The following GPT variants were observed in gnomAD, a reference collection of about 807,000 sequenced individuals.
GPT encodes alanine aminotransferase 1.
In GPT, 60 loss-of-function variants were observed where a neutral mutation model predicts 51.4. The observed-to-expected ratio is 1.17, with a 90% CI of 0.95 to 1.45. The LOEUF (loss-of-function observed/expected upper bound fraction) is 1.45, where lower values mean the gene tolerates loss of function less well. Ranked by LOEUF, GPT falls within the 40% of genes most tolerant of loss-of-function variation. The probability of loss-of-function intolerance (pLI) is 0.00; values close to 1 mark genes in which losing one functional copy is unlikely to be tolerated. For missense variants in GPT, 853 were observed against 704.0 expected (o/e 1.21, Z -2.40); for synonymous variants, 397 against 303.1 (o/e 1.31, Z -3.22).
At chr8:144,503,491 C>T (rs890992178), upstream of GPT, among the ~76,000 whole-genome samples, 11 of 152,136 alleles carry the variant, frequency 7.2e-5, no homozygotes, top group Admixed American at 3.3e-4. Flanking sequence ...ACAGCAGCCA[C>T]GGTGTGAGCT....
Position 144,505,017 on chromosome 8 carries a change from C to CGGCATCCA in GPT, c.383_390dup (p.Leu131AlafsTer4). 13 of 1,613,092 alleles carry CGGCATCCA rather than the reference C, an allele frequency of 8.1e-6. No homozygotes were observed. The highest frequency in any genetic ancestry group is 1.0e-5 in the Non-Finnish European group (12 of 1,179,984). On this transcript the variant is annotated frameshift_variant, in exon 4 of 11. Transcript: ENST00000394955. LOFTEE classifies it high-confidence loss of function. The stretch of plus-strand genomic sequence containing the variant: ...GTCCAGGGGCCTACAGCGTCAGCTC[C>CGGCATCCA]GGCATCCAGCTGATCCGGGAGGACG...
At position 144,506,604 on chromosome 8, in the gene GPT, T is replaced by C. The variant is rs376611071; in HGVS notation, c.1235T>C (p.Met412Thr). 5.7e-6 allele frequency: 9 copies of C among 1,565,942 alleles called. No homozygotes were observed. The highest frequency in any genetic ancestry group is 2.7e-5 in the African/African-American group (2 of 74,148). Residue 412 changes from methionine (M) to threonine (T), a missense_variant, in exon 9 of 11, where the codon ATG (methionine) becomes ACG (threonine). By Grantham distance (81) the Met-to-Thr change is moderately conservative (BLOSUM62 -1). Coordinates refer to ENST00000394955, the MANE Select transcript of GPT (RefSeq NM_005309.3). The surrounding 1 kb of genome is among the most constrained non-coding windows in gnomAD (Gnocchi z 7.0). ...AGCTGCAACCCAGTGCAGGGCGCCATGTACTCCTTCCCGCGCGTGCAGCTG... is the reference window on the plus strand; with the variant it reads ...AGCTGCAACCCAGTGCAGGGCGCCACGTACTCCTTCCCGCGCGTGCAGCTG... ...GISCNPVQGA[M>T]YSFPRVQLPP...
chr8:144,503,376 C>T (rs561998224), upstream of GPT, among the ~76,000 whole-genome samples: 1 of 152,312 alleles, frequency 6.6e-6, no homozygotes, highest in Admixed American at 6.5e-5. Flanking sequence ...TCGTTTCCTA[C>T]TCTCTCCTCC....
chr8:144,506,112 TC>T lies in GPT; in HGVS notation c.939del (p.Lys314ArgfsTer17). 6.2e-7 allele frequency: 1 copy of T among 1,612,172 alleles called. No homozygotes were observed. On this transcript the variant is annotated frameshift_variant, in exon 7 of 11. Coordinates refer to ENST00000394955, the MANE Select transcript of GPT (RefSeq NM_005309.3). LOFTEE classifies it high-confidence loss of function. The surrounding 1 kb of genome is among the most constrained non-coding windows in gnomAD (Gnocchi z 7.0). ...GGAGCTTGCCTCCTTCCACTCCACC[TC>T]CAAGGGCTACATGGGCGAGTGCGTG... is the stretch of plus-strand genomic sequence containing the variant. ...QQELASFHST[S>X]KGYMGECGFR...
Position 144,504,382 on chromosome 8 carries a change from G to A in GPT, c.78G>A (p.Met26Ile). The A allele has an allele frequency of 6.2e-7, 1 of 1,611,756 alleles. No individual in the cohort carries two copies. Among genetic ancestry groups the A allele is most frequent in the Non-Finnish European group, 8.5e-7 (1 of 1,179,942 alleles). The change falls in exon 1 of 11, where the codon ATG (methionine) becomes ATA (isoleucine). Residue 26 changes from methionine to isoleucine, a missense_variant. By Grantham distance (10) the Met-to-Ile change is conservative. Transcript: ENST00000394955. ...LRAKVLTLDGMNPRVRRVEYA... is the reference protein window; with the variant it reads ...LRAKVLTLDGINPRVRRVEYA... ...CGAAGGTGCTGACGCTGGACGGCAT[G>A]AACCCGCGTGTGCGGAGAGTGGAGT...
Position 144,504,617 on chromosome 8 carries a change from C to T in GPT, c.176C>T (p.Pro59Leu), listed in dbSNP as rs147672961. Residue 59 changes from proline to leucine, a missense_variant, in exon 2 of 11, where the codon CCT becomes CTT. Coordinates refer to ENST00000394955, the MANE Select transcript of GPT (RefSeq NM_005309.3). ...EQELRQGVKK[P>L]FTEVIRANIG... is the part of the protein sequence containing the mutation. Reference sequence around the variant, plus strand: ...CTCCCCTCCCAGGGTGTGAAGAAGCCTTTCACCGAGGTCATCCGTGCCAAC... The same window carrying T: ...CTCCCCTCCCAGGGTGTGAAGAAGCTTTTCACCGAGGTCATCCGTGCCAAC... 2.5e-4 allele frequency: 404 copies of T among 1,613,010 alleles called. No homozygotes were observed. The highest frequency in any genetic ancestry group is 3.2e-4 in the Non-Finnish European group (375 of 1,179,992).
rs3891235 is a variant in GPT, at chr8:144,504,992, G to A, written c.362-6G>A. On this transcript the variant is annotated splice_region_variant and splice_polypyrimidine_tract_variant and intron_variant, in intron 3 of 10. Transcript: ENST00000394955. ...GTACTTCCCATCCTGTCCTGCCCGA[G>A]TCCAGGGGCCTACAGCGTCAGCTCC... The A allele has an allele frequency of 1.2e-6, 2 of 1,613,062 alleles. No individual in the cohort carries two copies. The highest frequency in any genetic ancestry group is 3.3e-5 in the Admixed American group (2 of 60,028).
chr8:144,504,486 G>A lies in GPT; in HGVS notation c.162+20G>A, dbSNP rs1243679722. ...CGCCAGGTATGGCCCAGGGCCCCTC[G>A]CTGCCCTCCAGGTCACAATGGGGTG... On this transcript the variant is annotated intron_variant, in intron 1 of 10. Transcript: ENST00000394955. 14 of 1,607,018 alleles carry A rather than the reference G, an allele frequency of 8.7e-6. No individual in the cohort carries two copies. The highest frequency in any genetic ancestry group is 1.7e-5 in the Admixed American group (1 of 59,284).
Position 144,504,173 on chromosome 8 carries a change from T to C in GPT, c.-132T>C, listed in dbSNP as rs1826668435. The C allele has an allele frequency of 2.1e-6, 2 of 938,382 alleles. No individual in the cohort carries two copies. Among genetic ancestry groups the C allele is most frequent in the Admixed American group, 2.0e-5 (1 of 49,782 alleles). The allele number at this position is 938,382 out of a possible 1,614,324, so 58.1% of individuals were successfully genotyped here. On this transcript the variant is annotated 5_prime_UTR_variant, in exon 1 of 11. Transcript: ENST00000394955. ...CAGCTGCGGTGAAGAGGGTGCTCTC[T>C]TGCCTGGAGTTCCCTCTGCTACGGC...
In GPT at chr8:144,506,859, C is replaced by A. The variant is rs747098200; in HGVS notation, c.1400+16C>A. The A allele has an allele frequency of 1.9e-6, 3 of 1,612,148 alleles. No individual in the cohort carries two copies. The South Asian group carries it at 3.3e-5, about 18-fold the overall frequency. On this transcript the variant is annotated intron_variant, in intron 10 of 10. Coordinates refer to ENST00000394955, the MANE Select transcript of GPT (RefSeq NM_005309.3). This position sits in a 1 kb window ranked among gnomAD's most constrained non-coding sequence, Gnocchi z 7.0. ...ACCACTTCCGGTGAGGCCTGGCCCT[C>A]ACTCCCTGTCCCGCCACCCTGGCCC...
rs761860329 is a variant in GPT, at chr8:144,504,441, T to G, written c.137T>G (p.Leu46Trp). 6.2e-7 allele frequency: 1 copy of G among 1,610,534 alleles called. No homozygotes were observed. Among genetic ancestry groups the G allele is most frequent in the African/African-American group, 1.3e-5 (1 of 75,044 alleles). Residue 46 changes from leucine to tryptophan, a missense_variant, in exon 1 of 11, where the codon TTG (leucine) becomes TGG (tryptophan). By Grantham distance (61) the Leu-to-Trp change is moderately conservative. Transcript: ENST00000394955. ...AVRGPIVQRA[L>W]ELEQELRQGV... The stretch of plus-strand genomic sequence containing the variant: ...CGTGGCCCCATAGTGCAGCGAGCCT[T>G]GGAGCTGGAGCAGGAGCTGCGCCAG...
Position 144,505,862 on chromosome 8 carries a change from C to G in GPT, c.754C>G (p.Arg252Gly), listed in dbSNP as rs1015050761. 9 of 1,552,970 alleles carry G rather than the reference C, an allele frequency of 5.8e-6. No individual in the cohort carries two copies. Among genetic ancestry groups the G allele is most frequent in the Admixed American group, 1.9e-5 (1 of 51,524 alleles). ...CGGCACCCCAGGGCAGGTGCAGACCCGCGAGTGCATCGAGGCCGTGATCCG... is the reference window on the plus strand; with the variant it reads ...CGGCACCCCAGGGCAGGTGCAGACCGGCGAGTGCATCGAGGCCGTGATCCG... ...PGNPTGQVQTRECIEAVIRFA... is the reference protein window; with the variant it reads ...PGNPTGQVQTGECIEAVIRFA... The change falls in exon 6 of 11, where the codon CGC becomes GGC. Residue 252 changes from arginine (R) to glycine (G), a missense_variant. By Grantham distance (125) the Arg-to-Gly change is moderately radical (BLOSUM62 -2). Transcript: ENST00000394955.
Position 144,504,152 on chromosome 8 carries a change from T to G in GPT, c.-153T>G. The G allele has an allele frequency of 1.3e-6, 1 of 784,146 alleles. No homozygotes were observed. The highest frequency in any genetic ancestry group is 1.6e-5 in the South Asian group (1 of 64,068). The allele number at this position is 784,146 out of a possible 1,614,324, so 48.6% of individuals were successfully genotyped here. A position where few individuals can be genotyped will look rare whatever the true frequency, so the allele number is the denominator to read the frequency against. ...TTCTGTCCCTCCCAGTGAGGCCAGC[T>G]GCGGTGAAGAGGGTGCTCTCTTGCC... is the stretch of plus-strand genomic sequence containing the variant. On this transcript the variant is annotated 5_prime_UTR_variant, in exon 1 of 11. Coordinates refer to ENST00000394955, the MANE Select transcript of GPT (RefSeq NM_005309.3).
Position 144,506,783 on chromosome 8 carries a change from C to A in GPT, c.1340C>A (p.Thr447Asn). The A allele has an allele frequency of 1.2e-6, 2 of 1,612,568 alleles. No individual in the cohort carries two copies. The highest frequency in any genetic ancestry group is 1.7e-6 in the Non-Finnish European group (2 of 1,179,972). The change falls in exon 10 of 11, where the codon ACC becomes AAC. Residue 447 changes from threonine (T) to asparagine (N), a missense_variant. Thr to Asn is a moderately conservative substitution (Grantham distance 65). Transcript: ENST00000394955. The surrounding 1 kb of genome is among the most constrained non-coding windows in gnomAD (Gnocchi z 7.0). ...TTCTGCCTGCGCCTCCTGGAGGAGA[C>A]CGGCATCTGCGTGGTGCCAGGGAGC... is the stretch of plus-strand genomic sequence containing the variant. ...MFFCLRLLEE[T>N]GICVVPGSGF...
Position 144,504,605 on chromosome 8 carries a change from G to T in GPT, c.164G>T (p.Gly55Val), listed in dbSNP as rs1361242368. The T allele has an allele frequency of 3.1e-6, 5 of 1,612,956 alleles. No individual in the cohort carries two copies. Among genetic ancestry groups the T allele is most frequent in the Middle Eastern group, 1.6e-4 (1 of 6,062 alleles). Residue 55 changes from glycine to valine, a missense_variant and splice_region_variant, in exon 2 of 11, where the codon GGT becomes GTT. Coordinates refer to ENST00000394955, the MANE Select transcript of GPT (RefSeq NM_005309.3). ...ALELEQELRQ[G>V]VKKPFTEVIR... ...CTGCCTGCTCCCCTCCCCTCCCAGG[G>T]TGTGAAGAAGCCTTTCACCGAGGTC... is the stretch of plus-strand genomic sequence containing the variant.
At position 144,506,975 on chromosome 8, in the gene GPT, C is replaced by T. The variant is rs201458953; in HGVS notation, c.1466C>T (p.Ala489Val). ...CTGGAGAAGCTGAGCAGGTTCCATGCCAAGTTCACCCTCGAGTACTCCTGA... is the reference window on the plus strand; with the variant it reads ...CTGGAGAAGCTGAGCAGGTTCCATGTCAAGTTCACCCTCGAGTACTCCTGA... ...LLLEKLSRFHAKFTLEYS is the reference protein window; with the variant it reads ...LLLEKLSRFHVKFTLEYS Residue 489 changes from alanine (A) to valine (V), a missense_variant, in exon 11 of 11, where the codon GCC becomes GTC. Coordinates refer to ENST00000394955, the MANE Select transcript of GPT (RefSeq NM_005309.3). The surrounding 1 kb of genome is among the most constrained non-coding windows in gnomAD (Gnocchi z 7.0). 276 of 1,612,476 alleles carry T rather than the reference C, an allele frequency of 1.7e-4. No homozygotes were observed. Among genetic ancestry groups the T allele is most frequent in the Non-Finnish European group, 2.2e-4 (261 of 1,179,784 alleles).
In GPT at chr8:144,504,615, G is replaced by A. The variant is rs751907921; in HGVS notation, c.174G>A (p.Lys58=). 85 of 1,613,002 alleles carry A rather than the reference G, an allele frequency of 5.3e-5. No homozygotes were observed. The highest frequency in any genetic ancestry group is 6.3e-5 in the Non-Finnish European group (74 of 1,179,986). ...LEQELRQGVK[K]PFTEVIRANI... is the part of the protein sequence containing the mutation. Reference sequence around the variant, plus strand: ...CCCTCCCCTCCCAGGGTGTGAAGAAGCCTTTCACCGAGGTCATCCGTGCCA... The same window carrying A: ...CCCTCCCCTCCCAGGGTGTGAAGAAACCTTTCACCGAGGTCATCCGTGCCA... The change falls in exon 2 of 11, where the codon AAG becomes AAA. Residue 58 remains lysine (K), a synonymous_variant. Coordinates refer to ENST00000394955, the MANE Select transcript of GPT (RefSeq NM_005309.3).
At chr8:144,504,904 CAG>C in intron 3 of GPT, 25 bp downstream of exon 3, 1 of 1,612,752 alleles carries the variant, frequency 6.2e-7, no homozygotes, top group Non-Finnish European at 8.5e-7. Flanking sequence ...CAGGAGGAAG[CAG>C]AGGGCCGCCC....
rs751608206 is a variant in GPT, at chr8:144,505,924, C to G, written c.816C>G (p.Asp272Glu). The G allele has an allele frequency of 6.2e-6, 10 of 1,607,970 alleles. No homozygotes were observed. Among genetic ancestry groups the G allele is most frequent in the South Asian group, 2.2e-5 (2 of 90,686 alleles). The part of the protein sequence containing the change: ...AFEERLFLLA[D>E]EVYQDNVYAA... ...AAGAGCGGCTCTTTCTGCTGGCGGACGAGGTGCGCGGCGCGGGGGAGCGGG... is the reference window on the plus strand; with the variant it reads ...AAGAGCGGCTCTTTCTGCTGGCGGAGGAGGTGCGCGGCGCGGGGGAGCGGG... Residue 272 changes from aspartate to glutamate, a missense_variant, in exon 6 of 11, where the codon GAC (aspartate) becomes GAG (glutamate). By Grantham distance (45) the Asp-to-Glu change is conservative. Coordinates refer to ENST00000394955, the MANE Select transcript of GPT (RefSeq NM_005309.3).
Sources: gnomAD v4.1 joint callset for allele counts (sites outside exome capture counted in the v4.1 genomes callset) on GRCh38, gnomAD v4.1.1 for gene constraint, Gnocchi (gnomAD v3.1) non-coding constraint, MANE v1.5 for transcripts, NCBI Gene and HGNC (gene_info 2026-07-23, HGNC 2026-07-21) for gene names.